ATP11A: variants seen among roughly 807,000 people sequenced by gnomAD.
ATP11A encodes the protein ATPase phospholipid transporting 11A, also known as phospholipid-transporting ATPase IH.
A neutral mutation model predicts 154.4 loss-of-function variants in ATP11A; 81 were observed. That is an observed-to-expected ratio of 0.52 (90% confidence interval 0.44 to 0.63). ATP11A has a LOEUF of 0.63. ATP11A is among the 30% of genes least tolerant of loss of function. The pLI, the probability that ATP11A is intolerant of heterozygous loss-of-function variation, is 0.00. For missense variants in ATP11A, 1,316 were observed against 1,474.3 expected (o/e 0.89, Z 1.76); for synonymous variants, 623 against 585.9 (o/e 1.06, Z -0.91).
Position 112,856,066 on chromosome 13 carries a change from C to T in ATP11A, c.2399C>T (p.Ala800Val). The change falls in exon 20 of 30, where the codon GCG becomes GTG. Residue 800 changes from alanine (A) to valine (V), a missense_variant. This residue lies in a region of ATP11A where 876 missense variants were observed against 1,006.8 expected (regional missense o/e 0.87). Transcript: ENST00000375645. ...AGCGCGGTGCTCTGCTGCCGCATGG[C>T]GCCCTTGCAGAAGGCTCAGGTGCTG... Reference protein sequence around the residue: ...SCSAVLCCRMAPLQKAQIVKL... With the variant: ...SCSAVLCCRMVPLQKAQIVKL... The T allele has an allele frequency of 8.1e-6, 13 of 1,612,952 alleles. No homozygotes were observed. The highest frequency in any genetic ancestry group is 1.1e-5 in the Non-Finnish European group (13 of 1,179,646).
intron 1 of ATP11A, among the ~76,000 whole-genome samples, chr13:112,772,202 A>C (rs2077242255): frequency 6.6e-6 from 1 of 152,246 alleles, no homozygotes. Context: ...TTATTATGTC[A>C]ACAGTGCTCT....
intron 10 of ATP11A, among the ~76,000 whole-genome samples, 154 bp from the exon 11 acceptor site, chr13:112,825,276 T>C (rs986129438): frequency 2.6e-5 from 4 of 152,146 alleles, no homozygotes; most frequent in African/African-American, 9.7e-5. Flanking sequence ...TGGACGCAAG[T>C]GCAGAGGACC....
chr13:112,721,256 A>G (rs1358277263), intron 1 of ATP11A, among the ~76,000 whole-genome samples: 1 of 152,148 alleles, frequency 6.6e-6, no homozygotes, highest in Non-Finnish European at 1.5e-5. Flanking sequence ...CCCCGCAGGT[A>G]ACTTTTGTTT....
intron 12 of ATP11A, among the ~76,000 whole-genome samples, chr13:112,828,118 G>GAAACGCCCAGCAGTGTTGAGTGAGGGGGA (rs143513857): frequency 8.2e-6 from 1 of 122,388 alleles, no homozygotes; most frequent in Non-Finnish European, 1.7e-5. Context: ...TGAGTGGGGG[G>GAAACGCCCAGCAGTGTTGAGTGAGGGGGA]AAGCGCCCAG....
intron 1 of ATP11A, among the ~76,000 whole-genome samples, chr13:112,716,036 G>A (rs1340096753): frequency 6.6e-6 from 1 of 151,778 alleles, no homozygotes; most frequent in Non-Finnish European, 1.5e-5. Context: ...TGGGGGCCTG[G>A]GGGTGGCTCC....
In ATP11A at chr13:112,883,466, C is replaced by T. The variant is rs939653086; in HGVS notation, c.*1600C>T. 4.8e-5 allele frequency: 17 copies of T among 353,020 alleles called. No homozygotes were observed. The highest frequency in any genetic ancestry group is 1.4e-3 in the Middle Eastern group (2 of 1,428). 21.9% of individuals were successfully genotyped at this position (353,020 alleles called of 1,614,324 possible). ...CGCGCCACGCTGTGGAACGGGGCTC[C>T]GGCAAGTGAAACCCAGAGGGTGTTT... is the stretch of plus-strand genomic sequence containing the variant. On this transcript the variant is annotated 3_prime_UTR_variant, in exon 30 of 30. Transcript: ENST00000375645.
chr13:112,833,614 G>A (rs1008410923), intron 14 of ATP11A, among the ~76,000 whole-genome samples: 2 of 152,166 alleles, frequency 1.3e-5, no homozygotes, highest in African/African-American at 4.8e-5. Flanking sequence ...ACTGAGTATG[G>A]TGAGAATCAT....
intron 1 of ATP11A, among the ~76,000 whole-genome samples, chr13:112,758,973 A>T (rs1403401159): frequency 1.3e-5 from 2 of 152,228 alleles, no homozygotes; most frequent in African/African-American, 2.4e-5. Flanking sequence ...TAAGATGTGA[A>T]AATCATTGAA....
Position 112,809,601 on chromosome 13 carries a change from C to T in ATP11A, c.334-1018C>T, listed in dbSNP as rs550675598. Among the ~76,000 whole-genome samples the T allele has an allele frequency of 7.1e-3, 1,083 of 152,224 alleles. 16 individuals are homozygous for T. Among genetic ancestry groups the T allele is most frequent in the African/African-American group, 0.024 (1,002 of 41,540 alleles). ...GCACAGGCTTCCTGCTGCCATCCTG[C>T]GTGGTTGTGTGTTGTGTGTGGCAGA... On this transcript the variant is annotated intron_variant, in intron 4 of 29. Coordinates refer to ENST00000375645, the MANE Select transcript of ATP11A (RefSeq NM_015205.3).
At chr13:112,755,453 C>A (rs2076798663) in intron 1 of ATP11A, among the ~76,000 whole-genome samples, 1 of 152,202 alleles carries the variant, frequency 6.6e-6, no homozygotes, top group South Asian at 2.1e-4. Context: ...CCCCGAACTG[C>A]CTATGGGATC....
intron 1 of ATP11A, among the ~76,000 whole-genome samples, chr13:112,738,292 G>C (rs572628089): frequency 7.7e-4 from 118 of 152,262 alleles, no homozygotes; most frequent in African/African-American, 2.8e-3. Flanking sequence ...AGAATTGCTT[G>C]CACCCAGGAA....
In ATP11A at chr13:112,859,213, A is replaced by G. The variant is rs2080027333; in HGVS notation, c.2668-180A>G. The G allele has an allele frequency of 9.5e-6, 6 of 630,778 alleles. No homozygotes were observed. Among genetic ancestry groups the G allele is most frequent in the African/African-American group, 1.8e-5 (1 of 55,424 alleles). 39.1% of individuals were successfully genotyped at this position (630,778 alleles called of 1,614,324 possible). ...TGTCCTGAGTGGCCAAAACGTGGTCACATGTGCATTTCAGTTGCCCCTGAA... is the reference window on the plus strand; with the variant it reads ...TGTCCTGAGTGGCCAAAACGTGGTCGCATGTGCATTTCAGTTGCCCCTGAA... On this transcript the variant is annotated intron_variant, in intron 22 of 29. Transcript: ENST00000375645. The surrounding 1 kb of genome is among the most constrained non-coding windows in gnomAD (Gnocchi z 4.3).
intron 4 of ATP11A, among the ~76,000 whole-genome samples, chr13:112,810,012 G>GT (rs1296406955): frequency 6.6e-6 from 1 of 152,230 alleles, no homozygotes; most frequent in Non-Finnish European, 1.5e-5. Context: ...ACGATGGGAT[G>GT]TTTCCCGCGT....
At position 112,787,731 on chromosome 13, in the gene ATP11A, G is replaced by A. The variant is rs867049286; in HGVS notation, c.162+2474G>A. ...TGTGGAGACCTACTTAATCCACACC[G>A]GGTGTCCTGATGTGTAGACCCCTGT... On this transcript the variant is annotated intron_variant, in intron 2 of 29. Transcript: ENST00000375645. Among the ~76,000 whole-genome samples the A allele has an allele frequency of 5.9e-3, 845 of 143,350 alleles. 1 individual carries two copies. The highest frequency in any genetic ancestry group is 0.021 in the African/African-American group (763 of 36,056). 94.0% of individuals were successfully genotyped at this position (143,350 alleles called of 152,430 possible).
chr13:112,801,797 AGATGTT>A (rs1264517606), intron 2 of ATP11A, among the ~76,000 whole-genome samples: 4 of 152,312 alleles, frequency 2.6e-5, no homozygotes, highest in Admixed American at 1.3e-4. Context: ...ATTAATGGAG[AGATGTT>A]CCATGTTCAT....
chr13:112,739,981 G>A (rs1045473457), intron 1 of ATP11A, among the ~76,000 whole-genome samples: 16 of 152,084 alleles, frequency 1.1e-4, no homozygotes, highest in African/African-American at 3.4e-4. Flanking sequence ...GGGAGGGGGC[G>A]TGGGAGCGAC....
intron 1 of ATP11A, among the ~76,000 whole-genome samples, chr13:112,703,716 T>C (rs1275315263): frequency 1.3e-5 from 2 of 152,182 alleles, no homozygotes; most frequent in Non-Finnish European, 2.9e-5. Context: ...GTTCTGTGTA[T>C]TTATGTCTTC....
rs566214155 is a variant in ATP11A, at chr13:112,783,136, G to A, written c.40-1999G>A. 2.0e-5 allele frequency among the ~76,000 whole-genome samples: 3 copies of A among 152,332 alleles called. No individual in the cohort carries two copies. The South Asian group carries it at 6.2e-4, about 32-fold the overall frequency. On this transcript the variant is annotated intron_variant, in intron 1 of 29. Coordinates refer to ENST00000375645, the MANE Select transcript of ATP11A (RefSeq NM_015205.3). Reference sequence around the variant, plus strand: ...CATTCACACAGCTCCTGTCCGGGACGTTCTGGGTGGGACAGTGTGGAAAGA... The same window carrying A: ...CATTCACACAGCTCCTGTCCGGGACATTCTGGGTGGGACAGTGTGGAAAGA...
At chr13:112,787,158 G>T (rs1566480539) in intron 2 of ATP11A, among the ~76,000 whole-genome samples, 1 of 142,440 alleles carries the variant, frequency 7.0e-6, no homozygotes, top group African/African-American at 2.9e-5. Flanking sequence ...TTCACACCGG[G>T]TGTCCTGATG....
Sources: allele counts gnomAD v4.1 joint callset (sites outside exome capture counted in the v4.1 genomes callset), GRCh38; gene constraint gnomAD v4.1.1; regional missense constraint gnomAD v4.1.1; non-coding constraint Gnocchi (gnomAD v3.1); transcripts MANE v1.5; gene names NCBI Gene and HGNC (gene_info 2026-07-23, HGNC 2026-07-21).